The following EIF3A variants were observed in gnomAD, a reference collection of about 807,000 sequenced individuals.
The protein encoded by EIF3A is EIF3, p180 subunit.
In EIF3A, 21 loss-of-function variants were observed where a neutral mutation model predicts 186.6. That is an observed-to-expected ratio of 0.11 (90% CI 0.08 to 0.16). EIF3A has a LOEUF of 0.16. EIF3A is among the 10% of genes least tolerant of loss of function. The pLI is 1.00. For missense variants in EIF3A, 1,306 were observed against 1,796.3 expected (o/e 0.73, Z 4.93); for synonymous variants, 563 against 584.3 (o/e 0.96, Z 0.52).
chr10:119,073,195 C>T, intron 3 of EIF3A, 142 bp from the exon 4 acceptor site: 2 of 781,890 alleles, frequency 2.6e-6, no homozygotes, highest in Non-Finnish European at 3.9e-6. Context: ...ACTATCTACT[C>T]CCTGAATTCC....
At chr10:119,052,049 A>G (rs891634650) in intron 14 of EIF3A, among the ~76,000 whole-genome samples, 4 of 152,202 alleles carry the variant, frequency 2.6e-5, no homozygotes, top group African/African-American at 4.8e-5. Flanking sequence ...ATAGGTAACA[A>G]TGAAGTTTGC....
At position 119,050,601 on chromosome 10, in the gene EIF3A, C is replaced by A; in HGVS notation, c.2393G>T (p.Arg798Leu). 1 of 1,613,990 alleles carries A rather than the reference C, an allele frequency of 6.2e-7. No individual in the cohort carries two copies. The highest frequency in any genetic ancestry group is 8.5e-7 in the Non-Finnish European group (1 of 1,179,926). ...GTATGTTATCCTGCGTTCTTCTTTA[C>A]GCTGCCTTTTCCGTTCTTCCAATCG... ...HNRLEERKRQ[R>L]KEERRITYYR... Residue 798 changes from arginine (R) to leucine (L), a missense_variant, in exon 16 of 22, where the codon CGT becomes CTT. By Grantham distance (102) the Arg-to-Leu change is moderately radical (BLOSUM62 -2). Around this residue, in one of 8 missense-constraint regions of EIF3A, gnomAD observed 410 missense variants for 473.5 expected, o/e 0.87. Transcript: ENST00000369144.
At chr10:119,072,330 G>A (rs12256622) in intron 4 of EIF3A, among the ~76,000 whole-genome samples, 4,366 of 150,150 alleles carry the variant, frequency 0.029, 212 homozygotes, top group African/African-American at 0.099. Context: ...TATTACTGAT[G>A]TTTGTGTAAA....
In EIF3A at chr10:119,065,420, T is replaced by G. The variant is rs966011292; in HGVS notation, c.1101A>C (p.Arg367=). Residue 367 remains arginine (R), a synonymous_variant, in exon 7 of 22, where the codon CGA becomes CGC. Coordinates refer to ENST00000369144, the MANE Select transcript of EIF3A (RefSeq NM_003750.4). The part of the protein sequence containing the change: ...TLLGLQAPPT[R]IGLINDMVRF... ...TAACCATATCATTAATAAGGCCAATTCGTGTCGGTGGGGCTTGAAGACCTA... is the reference window on the plus strand; with the variant it reads ...TAACCATATCATTAATAAGGCCAATGCGTGTCGGTGGGGCTTGAAGACCTA... 3.1e-6 allele frequency: 5 copies of G among 1,612,658 alleles called. No homozygotes were observed. In the African/African-American group the frequency reaches 6.7e-5, roughly 22 times the overall value.
rs1190946752 is a variant in EIF3A, at chr10:119,059,336, C to T, written c.1505G>A (p.Arg502Gln). ...SFGSDLNYAT[R>Q]EDAPIGPHLQ... ...ATGAGGACCAATCGGAGCATCTTCTCGAGTAGCATAATTCAAATCAGATCC... is the reference window on the plus strand; with the variant it reads ...ATGAGGACCAATCGGAGCATCTTCTTGAGTAGCATAATTCAAATCAGATCC... The change falls in exon 11 of 22, where the codon CGA becomes CAA. Residue 502 changes from arginine (R) to glutamine (Q), a missense_variant. By Grantham distance (43) the Arg-to-Gln change is conservative. Around this residue, in one of 8 missense-constraint regions of EIF3A, gnomAD observed 267 missense variants for 367.8 expected, o/e 0.73. Coordinates refer to ENST00000369144, the MANE Select transcript of EIF3A (RefSeq NM_003750.4). 2 of 1,612,694 alleles carry T rather than the reference C, an allele frequency of 1.2e-6. No homozygotes were observed.
At chr10:119,037,907 ATTTTTTT>A (rs575308953) in intron 20 of EIF3A, among the ~76,000 whole-genome samples, 1 of 93,104 alleles carries the variant, frequency 1.1e-5, no homozygotes, top group Non-Finnish European at 1.9e-5. Flanking sequence ...TTAAGAGGGA[ATTTTTTT>A]TTTTTTTTTT....
chr10:119,068,192 G>A (rs1037800147), intron 6 of EIF3A, among the ~76,000 whole-genome samples: 6 of 152,106 alleles, frequency 3.9e-5, no homozygotes, highest in South Asian at 2.1e-4. Flanking sequence ...CTATGCCTTC[G>A]GGGCTCATTT....
In EIF3A at chr10:119,037,029, A is replaced by C. The variant is rs60901512; in HGVS notation, c.3919+90T>G. ...CAACTCTCTTATTGTTGGCCTTCAT[A>C]CAAATTTATGATATAATTAAATAAC... On this transcript the variant is annotated intron_variant, in intron 21 of 21. Coordinates refer to ENST00000369144, the MANE Select transcript of EIF3A (RefSeq NM_003750.4). 12,757 of 924,088 alleles carry C rather than the reference A, an allele frequency of 0.014. 767 individuals are homozygous for C. In the African/African-American group the frequency reaches 0.14, roughly 10 times the overall value. The allele number at this position is 924,088 out of a possible 1,614,324, so 57.2% of individuals were successfully genotyped here. A position where few individuals can be genotyped will look rare whatever the true frequency, so the allele number is the denominator to read the frequency against.
intron 17 of EIF3A, among the ~76,000 whole-genome samples, chr10:119,048,984 A>G (rs1179389096): frequency 2.0e-5 from 3 of 152,172 alleles, no homozygotes. Context: ...GATGTCTTTC[A>G]TGGAACTCAG....
chr10:119,045,007 C>T (rs918376983), intron 17 of EIF3A, among the ~76,000 whole-genome samples: 3 of 148,828 alleles, frequency 2.0e-5, no homozygotes, highest in African/African-American at 7.6e-5. Context: ...TGCAGTGGTA[C>T]GATCTCAGCT....
At chr10:119,075,854 C>A (rs538107568) in intron 1 of EIF3A, among the ~76,000 whole-genome samples, 1 of 142,352 alleles carries the variant, frequency 7.0e-6, no homozygotes, top group African/African-American at 2.5e-5. Flanking sequence ...GCTGGGACTA[C>A]GGAGCTCGCC....
chr10:119,049,437 G>A (rs959994722), intron 17 of EIF3A, among the ~76,000 whole-genome samples: 4 of 143,004 alleles, frequency 2.8e-5, no homozygotes, highest in African/African-American at 5.2e-5. Context: ...GCAGGAAGCC[G>A]AGACAGAGAT....
intron 7 of EIF3A, among the ~76,000 whole-genome samples, chr10:119,063,412 A>G (rs965221618): frequency 6.6e-6 from 1 of 152,254 alleles, no homozygotes; most frequent in Non-Finnish European, 1.5e-5. Flanking sequence ...ACTACTGCAG[A>G]AAATTTAGGC....
intron 19 of EIF3A, 79 bp from the exon 20 acceptor site, chr10:119,038,518 G>T (rs185960759): frequency 3.1e-4 from 363 of 1,165,066 alleles, no homozygotes; most frequent in Non-Finnish European, 4.2e-4. Flanking sequence ...ATAGACGTTG[G>T]CATTAATTCA....
At position 119,073,584 on chromosome 10, in the gene EIF3A, CA is replaced by C. The variant is rs768364382; in HGVS notation, c.241-8del. ...CCAGAGATTTTATGTTCACCTAATC[CA>C]AAAAAACAAAAACTCTTCAGAACTT... On this transcript the variant is annotated splice_polypyrimidine_tract_variant and splice_region_variant and intron_variant, in intron 2 of 21. Transcript: ENST00000369144. 6.2e-7 allele frequency: 1 copy of C among 1,602,692 alleles called. No homozygotes were observed. The highest frequency in any genetic ancestry group is 8.5e-7 in the Non-Finnish European group (1 of 1,176,870).
At chr10:119,055,762 C>A (rs1843767513) in intron 14 of EIF3A, among the ~76,000 whole-genome samples, 1 of 152,052 alleles carries the variant, frequency 6.6e-6, no homozygotes, top group African/African-American at 2.4e-5. Context: ...ATAAATATGA[C>A]ATGGTAACAA....
chr10:119,051,348 C>A, intron 14 of EIF3A, 27 bp from the exon 15 acceptor site: 1 of 1,545,380 alleles, frequency 6.5e-7, no homozygotes. Context: ...TGTGAAATTT[C>A]AATGCACTTT....
At chr10:119,068,624 A>G (rs1844018003) in intron 6 of EIF3A, among the ~76,000 whole-genome samples, 2 of 151,962 alleles carry the variant, frequency 1.3e-5, no homozygotes, top group Non-Finnish European at 2.9e-5. Context: ...AGATCGCATC[A>G]TTGCACTCCA....
At chr10:119,047,127 G>C (rs1300724260) in intron 17 of EIF3A, among the ~76,000 whole-genome samples, 1 of 152,114 alleles carries the variant, frequency 6.6e-6, no homozygotes, top group Non-Finnish European at 1.5e-5. Context: ...CATTAGCCAG[G>C]CGTGGTGGCA....
Sources: gnomAD v4.1 joint callset for allele counts (sites outside exome capture counted in the v4.1 genomes callset) on GRCh38, gnomAD v4.1.1 for gene constraint, gnomAD v4.1.1 regional missense constraint, MANE v1.5 for transcripts, NCBI Gene and HGNC (gene_info 2026-07-23, HGNC 2026-07-21) for gene names.